Variants in STX8 observed in about 807,000 individuals in gnomAD.
STX8 encodes the protein syntaxin-8.
A neutral mutation model predicts 37.5 loss-of-function variants in STX8; 23 were observed. That is an observed-to-expected ratio of 0.61 (90% CI 0.44 to 0.87). STX8 has a LOEUF of 0.87. Ranked by LOEUF, STX8 falls within the 40% of genes least tolerant of loss-of-function variation. The pLI is 0.00. For synonymous variants in STX8, 115 were observed against 99.1 expected, an observed-to-expected ratio of 1.16 and a Z score of -0.95; for missense variants, 313 against 284.7, an observed-to-expected ratio of 1.10 and a Z score of -0.71.
At chr17:9,484,669 A>AC (rs1420681593) in intron 6 of STX8, among the ~76,000 whole-genome samples, 1 of 151,206 alleles carries the variant, frequency 6.6e-6, no homozygotes, top group African/African-American at 2.4e-5. Context: ...TACAAAAAAA[A>AC]AAAAAAAATT....
chr17:9,285,717 T>C (rs1908049714), intron 7 of STX8, among the ~76,000 whole-genome samples: 2 of 152,252 alleles, frequency 1.3e-5, no homozygotes, highest in South Asian at 2.1e-4. Flanking sequence ...ATGCTGGTTA[T>C]ATCATGCCTG....
intron 7 of STX8, among the ~76,000 whole-genome samples, chr17:9,376,997 G>C (rs1472107004): frequency 6.6e-6 from 1 of 152,128 alleles, no homozygotes; most frequent in Non-Finnish European, 1.5e-5. Flanking sequence ...GGGCAGGATG[G>C]TCGGGCAGGA....
At chr17:9,414,109 TCCATCCATCCATCCATCCAA>T (rs1597656421) in intron 6 of STX8, among the ~76,000 whole-genome samples, 153 of 10,358 alleles carry the variant, frequency 0.015, no homozygotes, top group Non-Finnish European at 0.018. Context: ...CATCCATCCA[TCCATCCATCCATCCATCCAA>T]CCATCCATCC....
intron 7 of STX8, among the ~76,000 whole-genome samples, chr17:9,356,036 T>C (rs896139281): frequency 2.6e-5 from 4 of 152,186 alleles, no homozygotes. Context: ...TCTCAGTTCC[T>C]TCTTTTACAG....
At chr17:9,490,334 T>C (rs1213800770) in intron 6 of STX8, among the ~76,000 whole-genome samples, 2 of 152,114 alleles carry the variant, frequency 1.3e-5, no homozygotes, top group African/African-American at 4.8e-5. Flanking sequence ...AAGCAGGTGT[T>C]CGTCTATCCC....
At chr17:9,425,766 G>A (rs1913603249) in intron 6 of STX8, among the ~76,000 whole-genome samples, 3 of 152,116 alleles carry the variant, frequency 2.0e-5, no homozygotes, top group South Asian at 2.1e-4. Flanking sequence ...AAGCACGGAC[G>A]ACAATCTGAA....
chr17:9,315,056 C>G (rs190481566), intron 7 of STX8, among the ~76,000 whole-genome samples: 1 of 145,088 alleles, frequency 6.9e-6, no homozygotes, highest in East Asian at 2.2e-4. Flanking sequence ...CAGCCGAGAT[C>G]GTGCCACTGC....
intron 6 of STX8, among the ~76,000 whole-genome samples, chr17:9,451,300 G>A (rs752375984): frequency 3.8e-4 from 58 of 152,082 alleles, no homozygotes; most frequent in Admixed American, 9.8e-4. Flanking sequence ...ATGCCATTTC[G>A]TCTCATCTTT....
chr17:9,555,938 G>C (rs1482403837), intron 3 of STX8, among the ~76,000 whole-genome samples: 1 of 151,880 alleles, frequency 6.6e-6, no homozygotes, highest in Non-Finnish European at 1.5e-5. Context: ...GGTGCAGTGA[G>C]TATATTAGGA....
intron 7 of STX8, among the ~76,000 whole-genome samples, chr17:9,282,335 T>C (rs963206133): frequency 2.6e-5 from 4 of 152,194 alleles, no homozygotes; most frequent in African/African-American, 4.8e-5. Flanking sequence ...GGTTTCACCG[T>C]GTTAGCCAGG....
chr17:9,551,570 G>A (rs1205208080), intron 3 of STX8, among the ~76,000 whole-genome samples: 2 of 152,072 alleles, frequency 1.3e-5, no homozygotes, highest in Non-Finnish European at 2.9e-5. Flanking sequence ...TTCCACAAAT[G>A]AGGCACAAAG....
chr17:9,295,527 G>A (rs1235983098), intron 7 of STX8, among the ~76,000 whole-genome samples: 3 of 152,116 alleles, frequency 2.0e-5, no homozygotes, highest in Admixed American at 6.5e-5. Context: ...GGCAAATCAC[G>A]AGGTCAGGAG....
chr17:9,367,825 G>C (rs1019144134), intron 7 of STX8, among the ~76,000 whole-genome samples: 11 of 152,150 alleles, frequency 7.2e-5, no homozygotes, highest in Non-Finnish European at 1.3e-4. Flanking sequence ...CCACCTTCTG[G>C]GTTCAAGCAA....
intron 6 of STX8, among the ~76,000 whole-genome samples, chr17:9,412,527 T>C (rs1913019989): frequency 6.6e-6 from 1 of 152,048 alleles, no homozygotes; most frequent in Non-Finnish European, 1.5e-5. Flanking sequence ...GATCCGCCCA[T>C]CTCGGCCTCC....
At chr17:9,373,996 T>C (rs1040121308) in intron 7 of STX8, among the ~76,000 whole-genome samples, 1 of 151,360 alleles carries the variant, frequency 6.6e-6, no homozygotes, top group Non-Finnish European at 1.5e-5. Context: ...ACTCTATCTC[T>C]AGAATTTCTT....
chr17:9,285,652 T>C (rs1316156482), intron 7 of STX8, among the ~76,000 whole-genome samples: 3 of 152,182 alleles, frequency 2.0e-5, no homozygotes, highest in Non-Finnish European at 2.9e-5. Flanking sequence ...TCCCAAACAG[T>C]GATCACCCTG....
At chr17:9,550,231 A>G (rs1222044659) in intron 3 of STX8, among the ~76,000 whole-genome samples, 2 of 150,780 alleles carry the variant, frequency 1.3e-5, no homozygotes, top group Admixed American at 1.3e-4. Context: ...CTCAAAAAAA[A>G]AAAAAAGTAG....
At chr17:9,556,269 A>G (rs1906960049) in intron 3 of STX8, among the ~76,000 whole-genome samples, 1 of 152,142 alleles carries the variant, frequency 6.6e-6, no homozygotes, top group South Asian at 2.1e-4. Flanking sequence ...GGCAATATCC[A>G]TTCCCTGAAA....
intron 7 of STX8, among the ~76,000 whole-genome samples, chr17:9,310,523 C>T (rs1909155600): frequency 6.6e-6 from 1 of 152,154 alleles, no homozygotes; most frequent in Admixed American, 6.6e-5. Context: ...GCTCTTGTCT[C>T]AATACAAAAC....
Sources: gnomAD v4.1 joint callset for allele counts (sites outside exome capture counted in the v4.1 genomes callset) on GRCh38, gnomAD v4.1.1 for gene constraint, MANE v1.5 for transcripts, NCBI Gene and HGNC (gene_info 2026-07-23, HGNC 2026-07-21) for gene names.